The following CHST11 variants were observed in gnomAD, a reference collection of about 807,000 sequenced individuals.
The protein encoded by CHST11 is carbohydrate sulfotransferase 11.
Under a neutral mutation model 30.4 loss-of-function variants are expected in CHST11, and 9 were observed. The ratio of observed to expected loss-of-function variants is 0.30; its 90% confidence interval spans 0.18 to 0.52. CHST11 has a LOEUF of 0.52. Ranked by LOEUF, CHST11 falls within the 20% of genes least tolerant of loss-of-function variation. CHST11 has a pLI of 0.97. For missense variants in CHST11, 348 were observed against 460.6 expected (o/e 0.76, Z 2.24); for synonymous variants, 152 against 187.8 (o/e 0.81, Z 1.56).
chr12:104,750,452 T>TTTTTTTTTTTTTTTTTTTTTTTTTTG (rs1566064718), intron 2 of CHST11, among the ~76,000 whole-genome samples: 1 of 113,522 alleles, frequency 8.8e-6, no homozygotes, highest in African/African-American at 3.6e-5. Flanking sequence ...TTTTTTTTTT[T>TTTTTTTTTTTTTTTTTTTTTTTTTTG]TTTTGTTGAG....
chr12:104,671,561 T>C (rs1220856853), intron 2 of CHST11, among the ~76,000 whole-genome samples: 1 of 152,038 alleles, frequency 6.6e-6, no homozygotes, highest in Non-Finnish European at 1.5e-5. Context: ...CCCCCACAGG[T>C]TTCGCAGCAA....
At chr12:104,462,177 AAAAAAAAAG>A (rs2037415264) in intron 1 of CHST11, among the ~76,000 whole-genome samples, 1 of 149,558 alleles carries the variant, frequency 6.7e-6, no homozygotes, top group Admixed American at 6.7e-5. Flanking sequence ...CAAAAAAAAA[AAAAAAAAAG>A]AAAAAGAAAA....
At chr12:104,610,433 C>G (rs2039049061) in intron 2 of CHST11, among the ~76,000 whole-genome samples, 2 of 152,170 alleles carry the variant, frequency 1.3e-5, no homozygotes, top group African/African-American at 4.8e-5. Context: ...CTGTGTCAGT[C>G]TGTATGAATA....
intron 2 of CHST11, among the ~76,000 whole-genome samples, chr12:104,735,896 G>C (rs184199739): frequency 6.6e-6 from 1 of 152,210 alleles, no homozygotes; most frequent in Non-Finnish European, 1.5e-5. Flanking sequence ...GGGGACCCAG[G>C]CTTGGAGCCC....
intron 1 of CHST11, among the ~76,000 whole-genome samples, chr12:104,557,470 G>A (rs1023671073): frequency 6.6e-6 from 1 of 152,036 alleles, no homozygotes; most frequent in African/African-American, 2.4e-5. Context: ...TTGGGAGGGG[G>A]ATGCACCGGG....
intron 2 of CHST11, among the ~76,000 whole-genome samples, chr12:104,643,494 G>A (rs2039397591): frequency 6.6e-6 from 1 of 152,204 alleles, no homozygotes; most frequent in South Asian, 2.1e-4. Context: ...CATGGTAGGG[G>A]CAGTGTGCCA....
chr12:104,704,825 G>A (rs900544150), intron 2 of CHST11, among the ~76,000 whole-genome samples: 8 of 152,010 alleles, frequency 5.3e-5, no homozygotes, highest in Non-Finnish European at 8.8e-5. Flanking sequence ...GGAGGAAAGC[G>A]GAAGGTTGTT....
chr12:104,685,251 G>A (rs2039835952), intron 2 of CHST11, among the ~76,000 whole-genome samples: 1 of 152,178 alleles, frequency 6.6e-6, no homozygotes, highest in Non-Finnish European at 1.5e-5. Flanking sequence ...GAGGGCTGAG[G>A]TGCGATGTTA....
chr12:104,477,171 T>C (rs993368387), intron 1 of CHST11, among the ~76,000 whole-genome samples: 2 of 152,194 alleles, frequency 1.3e-5, no homozygotes, highest in South Asian at 4.1e-4. Context: ...AATGAAAAGA[T>C]ACATTTTCAC....
At chr12:104,625,299 A>G (rs1361231509) in intron 2 of CHST11, among the ~76,000 whole-genome samples, 3 of 152,104 alleles carry the variant, frequency 2.0e-5, no homozygotes, top group African/African-American at 7.2e-5. Context: ...GCCAGTGACC[A>G]TCCTTTTTCT....
At position 104,756,532 on chromosome 12, in the gene CHST11, G is replaced by GGTGTGTGTGTGTGTGTGTGTGTGT. The variant is rs113577198; in HGVS notation, c.205-410_205-387dup. On this transcript the variant is annotated intron_variant, in intron 2 of 2. Coordinates refer to ENST00000303694, the MANE Select transcript of CHST11 (RefSeq NM_018413.6). ...CATCATGAGGTCTGGATCCATGTGG[G>GGTGTGTGTGTGTGTGTGTGTGTGT]GTGTGTGTGTGTGTGTGTGTGTGTG... Among the ~76,000 whole-genome samples the GGTGTGTGTGTGTGTGTGTGTGTGT allele has an allele frequency of 1.3e-3, 180 of 143,388 alleles. 2 individuals carry two copies. The highest frequency in any genetic ancestry group is 2.2e-3 in the Non-Finnish European group (142 of 65,790). The allele number at this position is 143,388 out of a possible 152,430, so 94.1% of individuals were successfully genotyped here.
intron 2 of CHST11, among the ~76,000 whole-genome samples, chr12:104,745,357 G>A (rs2040382081): frequency 6.6e-6 from 1 of 152,158 alleles, no homozygotes; most frequent in Non-Finnish European, 1.5e-5. Flanking sequence ...CTGTAGAATA[G>A]CAAGTAGGGT....
At chr12:104,736,503 T>C (rs1464070544) in intron 2 of CHST11, among the ~76,000 whole-genome samples, 3 of 152,180 alleles carry the variant, frequency 2.0e-5, no homozygotes, top group Non-Finnish European at 4.4e-5. Flanking sequence ...GGTTAGAAGT[T>C]CGTATAACTT....
At chr12:104,628,153 G>A (rs1424248521) in intron 2 of CHST11, among the ~76,000 whole-genome samples, 1 of 152,172 alleles carries the variant, frequency 6.6e-6, no homozygotes, top group African/African-American at 2.4e-5. Context: ...TTGATGCACG[G>A]AGTGATGTAT....
chr12:104,615,516 A>G (rs12582864), intron 2 of CHST11, among the ~76,000 whole-genome samples: 11,590 of 152,314 alleles, frequency 0.076, 493 homozygotes, highest in East Asian at 0.11. Flanking sequence ...AGTCAAGAGC[A>G]CAGGCTCTAG....
At chr12:104,669,514 G>A (rs1473802544) in intron 2 of CHST11, among the ~76,000 whole-genome samples, 9 of 152,096 alleles carry the variant, frequency 5.9e-5, no homozygotes, top group Non-Finnish European at 1.2e-4. Context: ...GGGTGCATTC[G>A]CTGAGGTTTT....
intron 2 of CHST11, among the ~76,000 whole-genome samples, chr12:104,753,832 G>A (rs190153880): frequency 1.8e-4 from 27 of 152,280 alleles, no homozygotes; most frequent in African/African-American, 3.6e-4. Context: ...TACTGATTGC[G>A]TATCTACTGT....
chr12:104,651,561 C>T (rs1193157366), intron 2 of CHST11, among the ~76,000 whole-genome samples: 2 of 152,138 alleles, frequency 1.3e-5, no homozygotes, highest in African/African-American at 4.8e-5. Flanking sequence ...CTCTCCTTGA[C>T]CTGGGGGCCA....
chr12:104,626,297 A>G (rs1455561424), intron 2 of CHST11, among the ~76,000 whole-genome samples: 2 of 152,228 alleles, frequency 1.3e-5, no homozygotes, highest in Admixed American at 1.3e-4. Context: ...TAGTGATTTA[A>G]TAAGAAAAGC....
Sources: gnomAD v4.1 joint callset for allele counts (sites outside exome capture counted in the v4.1 genomes callset) on GRCh38, gnomAD v4.1.1 for gene constraint, MANE v1.5 for transcripts, NCBI Gene and HGNC (gene_info 2026-07-23, HGNC 2026-07-21) for gene names.